PLCG2: variants seen among roughly 807,000 people sequenced by gnomAD.
PLCG2 encodes the protein phospholipase C gamma 2.
A neutral mutation model predicts 175.6 loss-of-function variants in PLCG2; 69 were observed. The observed-to-expected ratio is 0.39, with a 90% CI of 0.32 to 0.48. PLCG2 has a LOEUF of 0.48. Ranked by LOEUF, PLCG2 falls within the 20% of genes least tolerant of loss-of-function variation. PLCG2 has a pLI of 0.91. For synonymous variants in PLCG2, 827 were observed against 624.0 expected (o/e 1.33, Z -4.85); for missense variants, 1,798 against 1,650.9 (o/e 1.09, Z -1.54).
At chr16:81,829,004 A>C (rs1718036691) in intron 2 of PLCG2, among the ~76,000 whole-genome samples, 1 of 152,220 alleles carries the variant, frequency 6.6e-6, no homozygotes, top group Non-Finnish European at 1.5e-5. Flanking sequence ...AATAGTCAGA[A>C]AAGCACAGGA....
intron 1 of PLCG2, among the ~76,000 whole-genome samples, chr16:81,741,640 T>A (rs992270871): frequency 5.9e-5 from 9 of 152,130 alleles, no homozygotes; most frequent in African/African-American, 1.4e-4. Context: ...TGAAACCCTG[T>A]CTCTACGAAA....
At chr16:81,781,287 A>C (rs1242517111) in intron 1 of PLCG2, among the ~76,000 whole-genome samples, 2 of 152,136 alleles carry the variant, frequency 1.3e-5, no homozygotes, top group East Asian at 3.8e-4. Flanking sequence ...TGACCTCACA[A>C]ATCTTTCCAG....
At chr16:81,826,128 A>C (rs371992413) in intron 2 of PLCG2, among the ~76,000 whole-genome samples, 1 of 152,126 alleles carries the variant, frequency 6.6e-6, no homozygotes. Context: ...AGTTTTCCCC[A>C]TTGTGGTAAG....
At chr16:81,883,995 A>C (rs980630623) in intron 9 of PLCG2, among the ~76,000 whole-genome samples, 3 of 152,184 alleles carry the variant, frequency 2.0e-5, no homozygotes, top group African/African-American at 7.2e-5. Flanking sequence ...TAGCAGGTCA[A>C]CACCAGGGAT....
chr16:81,954,704 G>A (rs1022471943), intron 31 of PLCG2, among the ~76,000 whole-genome samples: 1 of 152,208 alleles, frequency 6.6e-6, no homozygotes, highest in Non-Finnish European at 1.5e-5. Context: ...ATTCCATGGT[G>A]TATATGTACC....
chr16:81,957,854 A>G (rs756155278), intron 32 of PLCG2, 102 bp from the exon 33 acceptor site: 54 of 1,039,544 alleles, frequency 5.2e-5, no homozygotes, highest in Non-Finnish European at 7.8e-5. Context: ...CCATCCAGCT[A>G]TGAATGACTG....
At chr16:81,744,711 A>G (rs1467917755) in intron 1 of PLCG2, among the ~76,000 whole-genome samples, 1 of 152,064 alleles carries the variant, frequency 6.6e-6, no homozygotes, top group Non-Finnish European at 1.5e-5. Flanking sequence ...AGCTGGGTCT[A>G]CAGGCATGGG....
At chr16:81,807,102 A>G (rs1018062257) in intron 2 of PLCG2, among the ~76,000 whole-genome samples, 1 of 152,136 alleles carries the variant, frequency 6.6e-6, no homozygotes, top group Non-Finnish European at 1.5e-5. Flanking sequence ...AGTCTGTTCA[A>G]TGCATTTCCT....
At chr16:81,877,748 T>C (rs994485941) in intron 7 of PLCG2, among the ~76,000 whole-genome samples, 23 of 152,200 alleles carry the variant, frequency 1.5e-4, no homozygotes, top group Non-Finnish European at 4.4e-5. Flanking sequence ...GTAGGCGTCA[T>C]CGCTTCTTGG....
At chr16:81,928,799 C>T (rs1305339818) in intron 24 of PLCG2, 175 bp downstream of exon 24, 2 of 569,962 alleles carry the variant, frequency 3.5e-6, no homozygotes, top group Admixed American at 2.8e-5. Context: ...GATGCTATGT[C>T]TGCTATTAAT....
At chr16:81,906,297 A>G (rs1322658126) in intron 15 of PLCG2, 1 of 152,148 alleles carries the variant, frequency 6.6e-6, no homozygotes, top group African/African-American at 2.4e-5. Context: ...TCCACCAGAA[A>G]CCTTATTTTT....
At chr16:81,832,855 A>G (rs573182660) in intron 2 of PLCG2, among the ~76,000 whole-genome samples, 2 of 152,270 alleles carry the variant, frequency 1.3e-5, no homozygotes, top group African/African-American at 4.8e-5. Context: ...CCCATTAGCC[A>G]TAAGAGAGCA....
In PLCG2 at chr16:81,908,675, A is replaced by C; in HGVS notation, c.1733+84A>C. On this transcript the variant is annotated intron_variant, in intron 17 of 32. Coordinates refer to ENST00000564138, the MANE Select transcript of PLCG2 (RefSeq NM_002661.5). ...GGTGGCGAGTGGTTCTAGCTCAGGC[A>C]GGAATTGGGCAGGCTGGGACCTGAA... is the stretch of plus-strand genomic sequence containing the variant. 4 of 1,246,720 alleles carry C rather than the reference A, an allele frequency of 3.2e-6. No individual in the cohort carries two copies. In the South Asian group the frequency reaches 4.5e-5, roughly 14 times the overall value. 77.2% of individuals were successfully genotyped at this position (1,246,720 alleles called of 1,614,324 possible). A position where few individuals can be genotyped will look rare whatever the true frequency, so the allele number is the denominator to read the frequency against.
rs142100765 is a variant in PLCG2, at chr16:81,866,887, C to G, written c.480-2327C>G. On this transcript the variant is annotated intron_variant, in intron 5 of 32. Coordinates refer to ENST00000564138, the MANE Select transcript of PLCG2 (RefSeq NM_002661.5). The stretch of plus-strand genomic sequence containing the variant: ...TGCCCTGGCCCAGCTGTTCCTTGGA[C>G]CACTCCCAGGGCTGAGGCAGAAAGG... Among the ~76,000 whole-genome samples the G allele has an allele frequency of 2.2e-3, 333 of 152,370 alleles. 2 individuals carry two copies. The highest frequency in any genetic ancestry group is 7.6e-3 in the African/African-American group (315 of 41,588).
At chr16:81,780,616 A>T (rs1163065354) in intron 1 of PLCG2, among the ~76,000 whole-genome samples, 1 of 152,158 alleles carries the variant, frequency 6.6e-6, no homozygotes, top group Non-Finnish European at 1.5e-5. Flanking sequence ...GCCTTCCCCC[A>T]CCAGCGACTG....
At chr16:81,839,659 A>C (rs1905717038) in intron 2 of PLCG2, among the ~76,000 whole-genome samples, 1 of 152,202 alleles carries the variant, frequency 6.6e-6, no homozygotes, top group African/African-American at 2.4e-5. Context: ...ATATATTTTA[A>C]AATATACTAC....
chr16:81,803,526 C>CCT (rs1350708223), intron 2 of PLCG2, among the ~76,000 whole-genome samples: 2 of 119,998 alleles, frequency 1.7e-5, no homozygotes, highest in African/African-American at 2.7e-5. Flanking sequence ...TTCTTTCTTT[C>CCT]CTTTCTTTCT....
At chr16:81,824,052 TCCTGTCCTGTCCTGTCCTGTCCTG>T (rs1904934226) in intron 2 of PLCG2, among the ~76,000 whole-genome samples, 4 of 70,714 alleles carry the variant, frequency 5.7e-5, no homozygotes, top group South Asian at 1.2e-3. Context: ...TCCTTTCCTG[TCCTGTCCTGTCCTGTCCTGTCCTG>T]TCCTGTCCTG....
chr16:81,836,373 T>G lies in PLCG2; in HGVS notation c.194-18071T>G, dbSNP rs573615537. On this transcript the variant is annotated intron_variant, in intron 2 of 32. Coordinates refer to ENST00000564138, the MANE Select transcript of PLCG2 (RefSeq NM_002661.5). ...TATTCCCACTGGTGGAGCCAAGAGG[T>G]TTTTGCTGTCTGCAGGGGAGAGCAC... is the stretch of plus-strand genomic sequence containing the variant. Among the ~76,000 whole-genome samples, 114 of 151,904 alleles carry G rather than the reference T, an allele frequency of 7.5e-4. No individual in the cohort carries two copies. The Middle Eastern group carries it at 0.014, about 18-fold the overall frequency.
Sources: allele counts gnomAD v4.1 joint callset (sites outside exome capture counted in the v4.1 genomes callset), GRCh38; gene constraint gnomAD v4.1.1; transcripts MANE v1.5; gene names NCBI Gene and HGNC (gene_info 2026-07-23, HGNC 2026-07-21).